The following APPL2 variants were observed in gnomAD, a reference collection of about 807,000 sequenced individuals.
The protein encoded by APPL2 is DCC-interacting protein 13-beta.
A neutral mutation model predicts 92.7 loss-of-function variants in APPL2; 84 were observed. The ratio of observed to expected loss-of-function variants is 0.91; its 90% CI spans 0.76 to 1.09. The LOEUF (loss-of-function observed/expected upper bound fraction) is 1.09. APPL2 is among the 50% of genes least tolerant of loss of function. The pLI is 0.00. For missense variants in APPL2, 736 were observed against 824.5 expected (o/e 0.89, Z 1.31); for synonymous variants, 291 against 291.0 (o/e 1.00, Z 0.00).
chr12:105,217,597 C>G, intron 3 of APPL2, 69 bp downstream of exon 3: 2 of 1,483,276 alleles, frequency 1.3e-6, no homozygotes, highest in Non-Finnish European at 1.9e-6. Context: ...CTAAGGATGC[C>G]TCTGGATAAT....
chr12:105,225,067 C>CTG (rs35948393), intron 2 of APPL2, among the ~76,000 whole-genome samples: 29,608 of 151,504 alleles, frequency 0.2, 3,077 homozygotes, highest in East Asian at 0.35. Context: ...AGACATGTAA[C>CTG]TGTTAAATTA....
rs1205973021 is a variant in APPL2 at position 105,197,960 on chromosome 12, GT to G, written c.864-8del. On this transcript the variant is annotated splice_polypyrimidine_tract_variant and splice_region_variant and intron_variant, in intron 10 of 20. Coordinates refer to ENST00000258530, the MANE Select transcript of APPL2 (RefSeq NM_018171.5). ...GGTGACCAGCCCTGTTTTGCTGTGA[GT>G]TGTGTTTTAAAAAGCCCATTAGTAC... The G allele has an allele frequency of 3.1e-6, 5 of 1,612,174 alleles. No homozygotes were observed. Among genetic ancestry groups the G allele is most frequent in the Admixed American group, 3.4e-5 (2 of 59,544 alleles).
chr12:105,230,394 G>A (rs1444773460), intron 1 of APPL2, among the ~76,000 whole-genome samples: 1 of 152,140 alleles, frequency 6.6e-6, no homozygotes, highest in Non-Finnish European at 1.5e-5. Context: ...CTACTCAAGG[G>A]ATTTTCGTTA....
At chr12:105,209,153 T>C (rs1889008115) in intron 5 of APPL2, among the ~76,000 whole-genome samples, 1 of 152,152 alleles carries the variant, frequency 6.6e-6, no homozygotes, top group Non-Finnish European at 1.5e-5. Context: ...CCTTAATATC[T>C]CTTGCGTTCT....
intron 1 of APPL2, among the ~76,000 whole-genome samples, chr12:105,231,601 C>G (rs1890923637): frequency 6.6e-6 from 1 of 152,194 alleles, no homozygotes; most frequent in Admixed American, 6.5e-5. Context: ...CAGGGTGGCT[C>G]TCATCAGCGA....
chr12:105,221,131 C>T (rs1395943673), intron 2 of APPL2, among the ~76,000 whole-genome samples: 1 of 152,202 alleles, frequency 6.6e-6, no homozygotes, highest in African/African-American at 2.4e-5. Flanking sequence ...GTAAGAAATG[C>T]TTTACCAACA....
intron 20 of APPL2, among the ~76,000 whole-genome samples, chr12:105,175,598 T>G (rs963597681): frequency 8.5e-5 from 13 of 152,160 alleles, no homozygotes; most frequent in African/African-American, 3.1e-4. Flanking sequence ...TCTCAAAAAT[T>G]TGCTGAATGA....
intron 2 of APPL2, among the ~76,000 whole-genome samples, chr12:105,221,459 A>G (rs569888927): frequency 2.0e-5 from 3 of 152,352 alleles, no homozygotes; most frequent in East Asian, 3.8e-4. Flanking sequence ...GCAGGCAACA[A>G]CTTAATGCAG....
rs746555689 is a variant in APPL2 at position 105,199,461 on chromosome 12, C to G, written c.775G>C (p.Glu259Gln). The change falls in exon 10 of 21, where the codon GAA becomes CAA. Residue 259 changes from glutamate (E) to glutamine (Q), a missense_variant. Transcript: ENST00000258530. Reference protein sequence around the residue: ...VSQQELLSVDESVYTPDSDVA... With the variant: ...VSQQELLSVDQSVYTPDSDVA... Reference sequence around the variant, plus strand: ...TCAGAGTCTGGAGTGTAAACAGATTCATCAACAGAAAGTAATTCTTGCTGG... The same window carrying G: ...TCAGAGTCTGGAGTGTAAACAGATTGATCAACAGAAAGTAATTCTTGCTGG... 4 of 1,614,002 alleles carry G rather than the reference C, an allele frequency of 2.5e-6. No homozygotes were observed. The highest frequency in any genetic ancestry group is 4.5e-5 in the East Asian group (2 of 44,902).
At chr12:105,175,487 T>C (rs1460067256) in intron 20 of APPL2, among the ~76,000 whole-genome samples, 1 of 152,248 alleles carries the variant, frequency 6.6e-6, no homozygotes, top group Non-Finnish European at 1.5e-5. Context: ...TGTGCAGATA[T>C]AAATCATTTC....
rs772695100 is a variant in APPL2 at position 105,195,319 on chromosome 12, G to A, written c.1183C>T (p.Leu395=). 1.9e-6 allele frequency: 3 copies of A among 1,614,190 alleles called. No homozygotes were observed. Among genetic ancestry groups the A allele is most frequent in the South Asian group, 1.1e-5 (1 of 91,082 alleles). The part of the protein sequence containing the change: ...AVAIKLNQTA[L]QAVTPITSFG... Reference sequence around the variant, plus strand: ...CTTGTAATGGGAGTCACTGCTTGCAGAGCGGTCTGATTCAACTTGATCGCG... The same window carrying A: ...CTTGTAATGGGAGTCACTGCTTGCAAAGCGGTCTGATTCAACTTGATCGCG... The change falls in exon 14 of 21, where the codon CTG becomes TTG. Residue 395 remains leucine, a synonymous_variant. Transcript: ENST00000258530.
intron 18 of APPL2, 26 bp from the exon 19 acceptor site, chr12:105,177,042 G>A (rs773899510): frequency 2.5e-6 from 4 of 1,613,338 alleles, no homozygotes; most frequent in Non-Finnish European, 3.4e-6. Context: ...AAAGGCAACA[G>A]ATCATACAAC....
intron 9 of APPL2, among the ~76,000 whole-genome samples, chr12:105,203,019 ACACACACACACACACACACACACAC>A (rs1888355566): frequency 1.7e-4 from 1 of 5,808 alleles, no homozygotes; most frequent in Non-Finnish European, 6.8e-4. Context: ...CTACACACAC[ACACACACACACACACACACACACAC>A]ACACACACAC....
In APPL2 at chr12:105,181,232, C is replaced by G. The variant is rs577551206; in HGVS notation, c.1635-3970G>C. Among the ~76,000 whole-genome samples, 181 of 152,282 alleles carry G rather than the reference C, an allele frequency of 1.2e-3. 1 individual carries two copies. The highest frequency in any genetic ancestry group is 2.2e-3 in the Non-Finnish European group (152 of 68,030). On this transcript the variant is annotated intron_variant, in intron 17 of 20. Transcript: ENST00000258530. ...ATTGAGATAATCATGTGGTTTTTGT[C>G]ATTGGTTCTGTTTACGTGATGGATT...
At chr12:105,202,374 G>C (rs889257270) in intron 9 of APPL2, among the ~76,000 whole-genome samples, 1 of 152,188 alleles carries the variant, frequency 6.6e-6, no homozygotes, top group African/African-American at 2.4e-5. Context: ...GAAGACAGAG[G>C]CTCTAGGATC....
chr12:105,189,467 G>A (rs1196851), intron 16 of APPL2, among the ~76,000 whole-genome samples: 131,432 of 152,250 alleles, frequency 0.86, 56,936 homozygotes, highest in East Asian at 0.97. Context: ...ATGACACAGC[G>A]TATTTCCAGT....
In APPL2 at chr12:105,186,093, A is replaced by G. The variant is rs1265778867; in HGVS notation, c.1634+2180T>C. On this transcript the variant is annotated intron_variant, in intron 17 of 20. Transcript: ENST00000258530. ...TGATTTCATCATTCATCCATGTTGTAGCACTTATCAGTCCTTTGTTCCTTT... is the reference window on the plus strand; with the variant it reads ...TGATTTCATCATTCATCCATGTTGTGGCACTTATCAGTCCTTTGTTCCTTT... Among the ~76,000 whole-genome samples the G allele has an allele frequency of 2.8e-4, 43 of 152,216 alleles. 1 individual carries two copies. The highest frequency in any genetic ancestry group is 2.8e-3 in the Admixed American group (43 of 15,286).
chr12:105,195,262 T>TG lies in APPL2; in HGVS notation c.1239dup (p.Ser414GlnfsTer12). 1 of 1,614,172 alleles carries TG rather than the reference T, an allele frequency of 6.2e-7. No individual in the cohort carries two copies. The highest frequency in any genetic ancestry group is 8.5e-7 in the Non-Finnish European group (1 of 1,179,972). Reference sequence around the variant, plus strand: ...AGTTTTTCTTTGTCCTTTAGTTACCTGGGGCATGAGCTTTCTTGTTTTTTT... The same window carrying TG: ...AGTTTTTCTTTGTCCTTTAGTTACCTGGGGGCATGAGCTTTCTTGTTTTTTT... On this transcript the variant is annotated frameshift_variant and splice_region_variant, in exon 14 of 21. Coordinates refer to ENST00000258530, the MANE Select transcript of APPL2 (RefSeq NM_018171.5). LOFTEE classifies it high-confidence loss of function.
intron 17 of APPL2, among the ~76,000 whole-genome samples, chr12:105,186,460 GTTTGAACA>G (rs1886616449): frequency 6.6e-6 from 1 of 151,858 alleles, no homozygotes; most frequent in Non-Finnish European, 1.5e-5. Flanking sequence ...ATAAGTTTTT[GTTTGAACA>G]CCTGTATTTA....
Sources: allele counts gnomAD v4.1 joint callset (sites outside exome capture counted in the v4.1 genomes callset), GRCh38; gene constraint gnomAD v4.1.1; transcripts MANE v1.5; gene names NCBI Gene and HGNC (gene_info 2026-07-23, HGNC 2026-07-21).